Variants in FNBP1 observed in about 807,000 individuals in gnomAD.
FNBP1 encodes the protein formin binding protein 1, also known as formin-binding protein 1.
Under a neutral mutation model 90.6 loss-of-function variants are expected in FNBP1, and 26 were observed. The ratio of observed to expected loss-of-function variants is 0.29; its 90% CI spans 0.21 to 0.40. FNBP1 has a LOEUF of 0.40. Among genes scored for constraint, FNBP1 ranks in the 10% least tolerant of loss-of-function variants. The pLI, the probability that FNBP1 is intolerant of heterozygous loss-of-function variation, is 1.00. For missense variants in FNBP1, 635 were observed against 768.0 expected, an observed-to-expected ratio of 0.83 and a Z score of 2.05; for synonymous variants, 260 against 265.2, an observed-to-expected ratio of 0.98 and a Z score of 0.19.
rs3138855 is a variant in FNBP1, at chr9:129,892,366, G to GACACACACACAC, written c.1847-1832_1847-1821dup. 5.1e-3 allele frequency among the ~76,000 whole-genome samples: 525 copies of GACACACACACAC among 103,452 alleles called. 8 individuals carry two copies. The highest frequency in any genetic ancestry group is 0.021 in the African/African-American group (489 of 23,754). The allele number at this position is 103,452 out of a possible 152,430, so 67.9% of individuals were successfully genotyped here. A position where few individuals can be genotyped will look rare whatever the true frequency, so the allele number is the denominator to read the frequency against. ...GCAATTATTAAATAAGCACATCGTA[G>GACACACACACAC]ACACACACACACACACACACACACA... On this transcript the variant is annotated intron_variant, in intron 16 of 16. Transcript: ENST00000446176.
At chr9:129,968,483 A>C (rs559082681) in intron 4 of FNBP1, among the ~76,000 whole-genome samples, 2 of 151,348 alleles carry the variant, frequency 1.3e-5, no homozygotes, top group African/African-American at 4.8e-5. Flanking sequence ...GCTTTCCTTC[A>C]TGCTAAGCTT....
At chr9:129,921,393 T>G (rs1039702820) in intron 10 of FNBP1, among the ~76,000 whole-genome samples, 1 of 128,102 alleles carries the variant, frequency 7.8e-6, no homozygotes, top group Non-Finnish European at 1.8e-5. Context: ...TTTTCATGGG[T>G]TTTTTTTTTT....
intron 4 of FNBP1, among the ~76,000 whole-genome samples, chr9:129,960,403 AGAAAAAGAAAAAG>A (rs2047632036): frequency 8.3e-6 from 1 of 120,754 alleles, no homozygotes; most frequent in African/African-American, 2.9e-5. Context: ...AAAAAAAAAA[AGAAAAAGAAAAAG>A]AAAAAGAAAA....
intron 1 of FNBP1, among the ~76,000 whole-genome samples, chr9:130,029,446 TGA>T (rs1249885676): frequency 6.6e-6 from 1 of 152,226 alleles, no homozygotes; most frequent in African/African-American, 2.4e-5. Context: ...TAATGAATGA[TGA>T]CTTATCTGGG....
intron 11 of FNBP1, 74 bp from the exon 12 acceptor site, chr9:129,909,073 G>T: frequency 3.2e-6 from 3 of 928,998 alleles, no homozygotes; most frequent in Non-Finnish European, 5.0e-6. Context: ...AGCAAAGCCT[G>T]CAGCCATGGG....
At chr9:129,903,612 A>AAAAT (rs943608590) in intron 12 of FNBP1, among the ~76,000 whole-genome samples, 4 of 152,210 alleles carry the variant, frequency 2.6e-5, no homozygotes, top group African/African-American at 4.8e-5. Flanking sequence ...CCACACAGAT[A>AAAAT]AAATAAATAA....
chr9:129,904,552 T>C (rs1168483102), intron 12 of FNBP1, among the ~76,000 whole-genome samples: 1 of 152,108 alleles, frequency 6.6e-6, no homozygotes, highest in African/African-American at 2.4e-5. Flanking sequence ...AAAAGATACA[T>C]TCTGAGTCAT....
chr9:130,045,800 A>T (rs1018816725), upstream of FNBP1, among the ~76,000 whole-genome samples: 1 of 152,238 alleles, frequency 6.6e-6, no homozygotes, highest in African/African-American at 2.4e-5. Flanking sequence ...AGCAGAAAAA[A>T]GGCTAAAATA....
At position 129,901,837 on chromosome 9, in the gene FNBP1, G is replaced by A. The variant is rs557422645; in HGVS notation, c.1428+1032C>T. Among the ~76,000 whole-genome samples, 3 of 152,234 alleles carry A rather than the reference G, an allele frequency of 2.0e-5. No homozygotes were observed. In the South Asian group the frequency reaches 6.2e-4, roughly 32 times the overall value. ...TGAGGCAGGAGAATCACTTGAACCT[G>A]GGAAGTGGAGGTCACACTGAGGTGA... is the stretch of plus-strand genomic sequence containing the variant. On this transcript the variant is annotated intron_variant, in intron 13 of 16. Transcript: ENST00000446176.
intron 1 of FNBP1, among the ~76,000 whole-genome samples, chr9:130,039,676 CAAAAA>C (rs34484229): frequency 2.6e-5 from 3 of 116,636 alleles, no homozygotes; most frequent in Non-Finnish European, 3.7e-5. Context: ...AGCTTTGTCT[CAAAAA>C]AAAAAAAAAA....
At chr9:129,939,874 A>C (rs1265983236) in intron 6 of FNBP1, among the ~76,000 whole-genome samples, 1 of 152,118 alleles carries the variant, frequency 6.6e-6, no homozygotes. Flanking sequence ...GAAAAATGAG[A>C]ACCTGAGCTA....
the FNBP1 span, chr9:130,053,564 C>A: frequency 3.5e-6 from 1 of 285,008 alleles, no homozygotes; most frequent in East Asian, 9.9e-5. Flanking sequence ...GGCCCGACAC[C>A]GTGCGGCTGA....
At chr9:129,937,139 C>A (rs946339518) in intron 6 of FNBP1, among the ~76,000 whole-genome samples, 8 of 151,082 alleles carry the variant, frequency 5.3e-5, no homozygotes, top group African/African-American at 1.7e-4. Context: ...CACTGCACTC[C>A]AGCCTGGGGG....
intron 11 of FNBP1, among the ~76,000 whole-genome samples, chr9:129,911,103 C>T (rs1262269372): frequency 6.6e-6 from 1 of 152,208 alleles, no homozygotes; most frequent in Non-Finnish European, 1.5e-5. Flanking sequence ...CTCAGGCGAT[C>T]TGCCCACCTC....
At chr9:129,939,846 G>A (rs2044068984) in intron 6 of FNBP1, among the ~76,000 whole-genome samples, 1 of 152,062 alleles carries the variant, frequency 6.6e-6, no homozygotes, top group Admixed American at 6.6e-5. Flanking sequence ...ACCACCATGA[G>A]AGCTGATGCG....
chr9:129,972,173 G>A (rs997382202), intron 4 of FNBP1, among the ~76,000 whole-genome samples: 4 of 151,942 alleles, frequency 2.6e-5, no homozygotes, highest in Non-Finnish European at 5.9e-5. Context: ...TTGCTCGGTC[G>A]CCCAGGCTAG....
intron 1 of FNBP1, among the ~76,000 whole-genome samples, chr9:130,034,342 G>C (rs2132242120): frequency 6.7e-6 from 1 of 150,008 alleles, no homozygotes; most frequent in Middle Eastern, 3.4e-3. Context: ...AGTTGGTCAG[G>C]CGTGGTAGTG....
intron 2 of FNBP1, among the ~76,000 whole-genome samples, chr9:129,987,546 G>A (rs1404133124): frequency 6.6e-6 from 1 of 151,824 alleles, no homozygotes; most frequent in Non-Finnish European, 1.5e-5. Flanking sequence ...TTTTACCAAA[G>A]TTTAATATTT....
Position 129,908,204 on chromosome 9 carries a change from C to CT in FNBP1, c.1295+685dup, listed in dbSNP as rs60610339. On this transcript the variant is annotated intron_variant, in intron 12 of 16. Transcript: ENST00000446176. The stretch of plus-strand genomic sequence containing the variant: ...ATGTTGCCAAGGCTGGTCTCTCTCT[C>CT]TTTTTTTTTTTTTTTTTGAGATAGG... Among the ~76,000 whole-genome samples, 110 of 131,082 alleles carry CT rather than the reference C, an allele frequency of 8.4e-4. 1 individual carries two copies. The highest frequency in any genetic ancestry group is 2.3e-3 in the African/African-American group (82 of 35,416). 86.0% of individuals were successfully genotyped at this position (131,082 alleles called of 152,430 possible).
Sources: allele counts gnomAD v4.1 joint callset (sites outside exome capture counted in the v4.1 genomes callset), GRCh38; gene constraint gnomAD v4.1.1; transcripts MANE v1.5; gene names NCBI Gene and HGNC (gene_info 2026-07-23, HGNC 2026-07-21).